The following RIMS2 variants were observed in gnomAD, a reference collection of about 807,000 sequenced individuals.
The protein encoded by RIMS2 is regulating synaptic membrane exocytosis protein 2.
Under a neutral mutation model 174.4 loss-of-function variants are expected in RIMS2, and 59 were observed. The observed-to-expected ratio is 0.34, with a 90% confidence interval of 0.27 to 0.42. RIMS2 has a LOEUF of 0.42. RIMS2 is among the 10% of genes least tolerant of loss of function. The probability of loss-of-function intolerance (pLI) is 1.00; values close to 1 mark genes in which losing one functional copy is unlikely to be tolerated. For missense variants in RIMS2, 1,620 were observed against 1,666.3 expected, an observed-to-expected ratio of 0.97 and a Z score of 0.48; for synonymous variants, 606 against 572.5, an observed-to-expected ratio of 1.06 and a Z score of -0.84.
At chr8:103,636,786 GCACC>G (rs1446721350) in intron 1 of RIMS2, among the ~76,000 whole-genome samples, 9 of 27,184 alleles carry the variant, frequency 3.3e-4, no homozygotes, top group African/African-American at 1.3e-3. Flanking sequence ...ACCCACCCCC[GCACC>G]CCCCCCCCCC....
intron 19 of RIMS2, among the ~76,000 whole-genome samples, chr8:104,157,037 C>T (rs1193120277): frequency 2.0e-5 from 3 of 152,120 alleles, no homozygotes; most frequent in Non-Finnish European, 4.4e-5. Context: ...AACAATGTGC[C>T]TTTACCACTA....
intron 19 of RIMS2, among the ~76,000 whole-genome samples, chr8:104,220,238 G>T (rs1347576168): frequency 6.6e-6 from 1 of 151,928 alleles, no homozygotes; most frequent in East Asian, 1.9e-4. Context: ...TCTACCTTGT[G>T]CCATTCTTCC....
intron 19 of RIMS2, among the ~76,000 whole-genome samples, chr8:104,218,880 A>G (rs1450469727): frequency 2.0e-5 from 3 of 152,188 alleles, no homozygotes; most frequent in Non-Finnish European, 2.9e-5. Flanking sequence ...CATTTGTAGC[A>G]TAGAAAAGGG....
intron 19 of RIMS2, chr8:104,094,425 T>G (rs2097718325): frequency 3.4e-6 from 2 of 594,208 alleles, no homozygotes; most frequent in African/African-American, 3.7e-5. Flanking sequence ...TTTCTTGACT[T>G]TCTTTTTTTG....
At chr8:103,853,353 T>C (rs1482478064) in intron 3 of RIMS2, among the ~76,000 whole-genome samples, 1 of 152,194 alleles carries the variant, frequency 6.6e-6, no homozygotes, top group African/African-American at 2.4e-5. Flanking sequence ...ACTCTGTTAA[T>C]AGTTTCTTTT....
intron 2 of RIMS2, among the ~76,000 whole-genome samples, chr8:103,716,910 C>T (rs956508009): frequency 3.9e-5 from 6 of 152,056 alleles, no homozygotes; most frequent in Non-Finnish European, 5.9e-5. Context: ...GACTAGACTA[C>T]CGGCTAGGTT....
intron 3 of RIMS2, among the ~76,000 whole-genome samples, chr8:103,777,682 T>C (rs2098333349): frequency 6.6e-6 from 1 of 152,126 alleles, no homozygotes; most frequent in East Asian, 1.9e-4. Context: ...AAAATAAATA[T>C]AAATTCTGCC....
At chr8:104,241,640 C>T (rs2099296860) in intron 19 of RIMS2, among the ~76,000 whole-genome samples, 1 of 152,114 alleles carries the variant, frequency 6.6e-6, no homozygotes, top group South Asian at 2.1e-4. Flanking sequence ...AGTTTTATGT[C>T]TCACCTGATG....
intron 19 of RIMS2, among the ~76,000 whole-genome samples, chr8:104,113,036 C>G (rs755821442): frequency 7.9e-5 from 12 of 152,012 alleles, no homozygotes; most frequent in Non-Finnish European, 1.5e-4. Flanking sequence ...GCTAATGGTT[C>G]ATTCTTAAAA....
intron 1 of RIMS2, among the ~76,000 whole-genome samples, chr8:103,552,450 A>T (rs1366439573): frequency 6.6e-6 from 1 of 152,242 alleles, no homozygotes; most frequent in Non-Finnish European, 1.5e-5. Context: ...AAATTAATTC[A>T]AGATGGATTA....
chr8:103,665,086 T>G (rs769083308), intron 1 of RIMS2, among the ~76,000 whole-genome samples: 1 of 152,020 alleles, frequency 6.6e-6, no homozygotes, highest in Non-Finnish European at 1.5e-5. Context: ...TGAGAACACA[T>G]GGACACAGGG....
At chr8:103,506,502 G>A (rs2130930039) in intron 1 of RIMS2, among the ~76,000 whole-genome samples, 1 of 151,814 alleles carries the variant, frequency 6.6e-6, no homozygotes, top group South Asian at 2.1e-4. Flanking sequence ...GAAGGATTGT[G>A]ATTGTTATTA....
chr8:104,156,450 A>C (rs2098724752), intron 19 of RIMS2, among the ~76,000 whole-genome samples: 2 of 152,212 alleles, frequency 1.3e-5, no homozygotes, highest in South Asian at 4.1e-4. Flanking sequence ...CAGGTTTGAT[A>C]AGCAAACCAC....
intron 19 of RIMS2, among the ~76,000 whole-genome samples, chr8:104,186,925 A>G (rs528305931): frequency 1.3e-5 from 2 of 151,860 alleles, no homozygotes; most frequent in Non-Finnish European, 2.9e-5. Context: ...GCAGGAAAAT[A>G]TATTGTTCAA....
At chr8:103,803,289 C>T (rs547726645) in intron 3 of RIMS2, among the ~76,000 whole-genome samples, 7 of 152,136 alleles carry the variant, frequency 4.6e-5, no homozygotes, top group African/African-American at 1.7e-4. Context: ...GATTTGACTT[C>T]TGCTTATTCT....
In RIMS2 at chr8:103,853,893, A is replaced by G. The variant is rs574379407; in HGVS notation, c.699-31405A>G. Reference sequence around the variant, plus strand: ...TCTTTTTTGATTCTATATGAATTTTAGAACAGCTTTTTTTTTCTAATTCTG... The same window carrying G: ...TCTTTTTTGATTCTATATGAATTTTGGAACAGCTTTTTTTTTCTAATTCTG... On this transcript the variant is annotated intron_variant, in intron 3 of 23. Transcript: ENST00000504942. 7.4e-4 allele frequency among the ~76,000 whole-genome samples: 112 copies of G among 152,168 alleles called. 1 individual carries two copies. Among genetic ancestry groups the G allele is most frequent in the African/African-American group, 2.4e-3 (99 of 41,534 alleles).
intron 16 of RIMS2, among the ~76,000 whole-genome samples, chr8:103,988,625 G>A (rs1400884291): frequency 6.6e-6 from 1 of 151,972 alleles, no homozygotes; most frequent in Non-Finnish European, 1.5e-5. Context: ...ACACCTTGCT[G>A]ATTTTTTATT....
At chr8:104,146,710 C>CT (rs1177477359) in intron 19 of RIMS2, among the ~76,000 whole-genome samples, 1 of 151,860 alleles carries the variant, frequency 6.6e-6, no homozygotes, top group Non-Finnish European at 1.5e-5. Flanking sequence ...ATTTCTTTTT[C>CT]TTTTTTCTGA....
At chr8:103,738,133 A>C (rs2097710591) in intron 2 of RIMS2, among the ~76,000 whole-genome samples, 1 of 152,174 alleles carries the variant, frequency 6.6e-6, no homozygotes, top group Non-Finnish European at 1.5e-5. Flanking sequence ...GATTGAATGA[A>C]ATAGATATTT....
Sources: gnomAD v4.1 joint callset for allele counts (sites outside exome capture counted in the v4.1 genomes callset) on GRCh38, gnomAD v4.1.1 for gene constraint, MANE v1.5 for transcripts, NCBI Gene and HGNC (gene_info 2026-07-23, HGNC 2026-07-21) for gene names.